Variants in NCLN observed in about 807,000 individuals in gnomAD.
The protein encoded by NCLN is BOS complex subunit NCLN.
A neutral mutation model predicts 69.5 loss-of-function variants in NCLN; 34 were observed. That is an observed-to-expected ratio of 0.49 (90% CI 0.37 to 0.65). The LOEUF is 0.65. Ranked by LOEUF, NCLN falls within the 30% of genes least tolerant of loss-of-function variation. The probability of loss-of-function intolerance (pLI) is 0.00; values close to 1 mark genes in which losing one functional copy is unlikely to be tolerated. For synonymous variants in NCLN, 393 were observed against 358.3 expected (o/e 1.10, Z -1.09); for missense variants, 710 against 804.8 (o/e 0.88, Z 1.42).
At chr19:3,200,343 G>A (rs917964816) in intron 5 of NCLN, among the ~76,000 whole-genome samples, 4 of 127,996 alleles carry the variant, frequency 3.1e-5, no homozygotes, top group African/African-American at 6.1e-5. Flanking sequence ...ACGGAGTCTC[G>A]CTCTGTCACC....
At chr19:3,195,515 C>T (rs1464978471) in intron 3 of NCLN, among the ~76,000 whole-genome samples, 1 of 152,158 alleles carries the variant, frequency 6.6e-6, no homozygotes. Context: ...TCCCAAAGTG[C>T]TGGTATTCCA....
intron 4 of NCLN, among the ~76,000 whole-genome samples, chr19:3,196,833 A>G (rs1392503845): frequency 2.0e-5 from 3 of 152,160 alleles, no homozygotes; most frequent in Non-Finnish European, 4.4e-5. Context: ...AACCCGAGGA[A>G]GCACCCACCG....
Position 3,207,760 on chromosome 19 carries a change from T to G in NCLN, c.*72T>G. The G allele has an allele frequency of 1.5e-6, 2 of 1,378,528 alleles. No individual in the cohort carries two copies. The highest frequency in any genetic ancestry group is 2.1e-6 in the Non-Finnish European group (2 of 973,788). 85.4% of individuals were successfully genotyped at this position (1,378,528 alleles called of 1,614,324 possible). On this transcript the variant is annotated 3_prime_UTR_variant, in exon 15 of 15. Transcript: ENST00000246117. ...GGGCCGAGCACGAGTGAGTGGACAC[T>G]GCCCCGCCGCGGGCGGCCCTGCAGG... is the stretch of plus-strand genomic sequence containing the variant.
At position 3,206,360 on chromosome 19, in the gene NCLN, G is replaced by A. The variant is rs1329170958; in HGVS notation, c.1434G>A (p.Thr478=). The part of the protein sequence containing the change: ...LVDKDSTFLS[T]LEHHLSRYLK... Reference sequence around the variant, plus strand: ...ACAAGGACAGCACCTTCCTCAGCACGCTGGAGCACCACCTGAGCCGCTACC... The same window carrying A: ...ACAAGGACAGCACCTTCCTCAGCACACTGGAGCACCACCTGAGCCGCTACC... The change falls in exon 12 of 15, where the codon ACG becomes ACA. Residue 478 remains threonine (T), a synonymous_variant. Coordinates refer to ENST00000246117, the MANE Select transcript of NCLN (RefSeq NM_020170.4). 5 of 1,548,150 alleles carry A rather than the reference G, an allele frequency of 3.2e-6. No homozygotes were observed. In the East Asian group the frequency reaches 9.8e-5, roughly 30 times the overall value.
chr19:3,207,416 C>T lies in NCLN; in HGVS notation c.1579C>T (p.Leu527Phe). 6.2e-7 allele frequency: 1 copy of T among 1,613,152 alleles called. No individual in the cohort carries two copies. The highest frequency in any genetic ancestry group is 8.5e-7 in the Non-Finnish European group (1 of 1,180,022). Residue 527 changes from leucine to phenylalanine, a missense_variant, in exon 14 of 15, where the codon CTC becomes TTC. Physicochemically the swap from Leu to Phe is conservative, Grantham distance 22. Coordinates refer to ENST00000246117, the MANE Select transcript of NCLN (RefSeq NM_020170.4). ...AGTCAAGCCGGCCGTCTTTGACCTG[C>T]TCCTGGCTGTTGGCATTGCTGCCTA... ...YRVKPAVFDL[L>F]LAVGIAAYLG...
chr19:3,199,948 C>T lies in NCLN; in HGVS notation c.696+1051C>T, dbSNP rs577752540. On this transcript the variant is annotated intron_variant, in intron 5 of 14. Transcript: ENST00000246117. ...ATCTCCTGACCTCATGATTTGCCCTCCTCAGCCTCCCAAAGTGCTCGGATT... is the reference window on the plus strand; with the variant it reads ...ATCTCCTGACCTCATGATTTGCCCTTCTCAGCCTCCCAAAGTGCTCGGATT... 1.9e-3 allele frequency among the ~76,000 whole-genome samples: 295 copies of T among 152,090 alleles called. 2 individuals are homozygous for T. The highest frequency in any genetic ancestry group is 0.011 in the East Asian group (58 of 5,160).
At chr19:3,198,787 C>G (rs1243662381) in intron 4 of NCLN, 30 bp from the exon 5 acceptor site, 1 of 1,559,770 alleles carries the variant, frequency 6.4e-7, no homozygotes. Flanking sequence ...CCAGGAACAG[C>G]CAGGCCATTC....
intron 3 of NCLN, among the ~76,000 whole-genome samples, chr19:3,195,481 C>T (rs111990062): frequency 0.025 from 3,742 of 152,200 alleles, 161 homozygotes; most frequent in African/African-American, 0.085. Flanking sequence ...GATCTCCTGA[C>T]GTCGTGATTC....
chr19:3,185,963 C>A lies in NCLN; in HGVS notation c.-68C>A. ...GGCGGCTACCCATGCCGAGGTGAGT[C>A]CGCGGGAGCCGCCGCCGCCGCCGTC... On this transcript the variant is annotated 5_prime_UTR_variant, in exon 1 of 15. Transcript: ENST00000246117. The A allele has an allele frequency of 7.7e-7, 1 of 1,306,530 alleles. No homozygotes were observed. Among genetic ancestry groups the A allele is most frequent in the Non-Finnish European group, 9.9e-7 (1 of 1,013,768 alleles). 80.9% of individuals were successfully genotyped at this position (1,306,530 alleles called of 1,614,324 possible).
chr19:3,206,129 G>A (rs1178906545), intron 10 of NCLN, 23 bp from the exon 11 acceptor site: 4 of 1,491,002 alleles, frequency 2.7e-6, no homozygotes, highest in Non-Finnish European at 3.6e-6. Context: ...TGGACTCAGG[G>A]CCATCCCCTC....
rs549323169 is a variant in NCLN, at chr19:3,205,319, C to T, written c.1208+568C>T. Reference sequence around the variant, plus strand: ...AGGTGGGCGCCGTCTCCTCCCCCAGCGCCCGCAGTCCCGGCATAGATCCTT... The same window carrying T: ...AGGTGGGCGCCGTCTCCTCCCCCAGTGCCCGCAGTCCCGGCATAGATCCTT... On this transcript the variant is annotated intron_variant, in intron 9 of 14. Coordinates refer to ENST00000246117, the MANE Select transcript of NCLN (RefSeq NM_020170.4). This position sits in a 1 kb window ranked among gnomAD's most constrained non-coding sequence, Gnocchi z 4.6. Among the ~76,000 whole-genome samples, 21 of 152,358 alleles carry T rather than the reference C, an allele frequency of 1.4e-4. No individual in the cohort carries two copies. The highest frequency in any genetic ancestry group is 4.6e-4 in the African/African-American group (19 of 41,584).
At position 3,198,912 on chromosome 19, in the gene NCLN, C is replaced by T. The variant is rs754855013; in HGVS notation, c.696+15C>T. On this transcript the variant is annotated intron_variant, in intron 5 of 14. Transcript: ENST00000246117. The stretch of plus-strand genomic sequence containing the variant: ...GAGTGGCCCCCGTACGTATGTGTGT[C>T]CCCATTCCCCCCACCCCACAGGGCT... The T allele has an allele frequency of 2.1e-6, 3 of 1,431,920 alleles. No homozygotes were observed. Among genetic ancestry groups the T allele is most frequent in the Admixed American group, 5.0e-5 (2 of 40,094 alleles). The allele number at this position is 1,431,920 out of a possible 1,614,324, so 88.7% of individuals were successfully genotyped here. A position where few individuals can be genotyped will look rare whatever the true frequency, so the allele number is the denominator to read the frequency against.
chr19:3,194,647 G>A lies in NCLN; in HGVS notation c.520+1219G>A, dbSNP rs1223152068. On this transcript the variant is annotated intron_variant, in intron 3 of 14. Coordinates refer to ENST00000246117, the MANE Select transcript of NCLN (RefSeq NM_020170.4). ...TCCCAACCCCTGGTTTAGATTAAAA[G>A]TCTTGACAGTGGCCATTTTTGTTGT... 2.0e-5 allele frequency among the ~76,000 whole-genome samples: 3 copies of A among 152,074 alleles called. No individual in the cohort carries two copies. In the East Asian group the frequency reaches 5.8e-4, roughly 29 times the overall value.
chr19:3,187,274 A>G (rs1915695061), intron 1 of NCLN, among the ~76,000 whole-genome samples: 1 of 152,056 alleles, frequency 6.6e-6, no homozygotes, highest in Admixed American at 6.5e-5. Flanking sequence ...TTGCCTGGCT[A>G]TAGCTGTCCC....
At chr19:3,203,696 G>A in intron 6 of NCLN, 60 bp from the exon 7 acceptor site, 3 of 1,479,336 alleles carry the variant, frequency 2.0e-6, no homozygotes, top group Non-Finnish European at 2.8e-6. Context: ...GACCTGGCCT[G>A]GTCCCTCCTC....
At chr19:3,206,683 A>G (rs886606832) in intron 12 of NCLN, among the ~76,000 whole-genome samples, 1 of 152,186 alleles carries the variant, frequency 6.6e-6, no homozygotes, top group Admixed American at 6.5e-5. Flanking sequence ...TAAAAATACA[A>G]AAATTAGGCG....
intron 12 of NCLN, 34 bp from the exon 13 acceptor site, chr19:3,207,164 A>G (rs763596461): frequency 1.9e-6 from 3 of 1,612,358 alleles, no homozygotes; most frequent in Admixed American, 3.3e-5. Context: ...AGCTGGGCGC[A>G]GTGGTGCCCC....
Position 3,197,908 on chromosome 19 carries a change from A to G in NCLN, c.616-909A>G, listed in dbSNP as rs536168955. ...AGTGCTGGGATTACAGGCGTGAGCCACCGTGCCGGGCTGTGTAAATAAAGT... is the reference window on the plus strand; with the variant it reads ...AGTGCTGGGATTACAGGCGTGAGCCGCCGTGCCGGGCTGTGTAAATAAAGT... On this transcript the variant is annotated intron_variant, in intron 4 of 14. Transcript: ENST00000246117. Among the ~76,000 whole-genome samples, 269 of 152,270 alleles carry G rather than the reference A, an allele frequency of 1.8e-3. 2 individuals are homozygous for G. Among genetic ancestry groups the G allele is most frequent in the African/African-American group, 6.2e-3 (259 of 41,576 alleles).
In NCLN at chr19:3,203,270, T is replaced by C. The variant is rs137893266; in HGVS notation, c.801-486T>C. On this transcript the variant is annotated intron_variant, in intron 6 of 14. Transcript: ENST00000246117. ...TTGCAGTGAGCCGAGACTGCACCAT[T>C]GCACTCCAGCCTGGGCAGAAAGAGC... Among the ~76,000 whole-genome samples the C allele has an allele frequency of 1.0e-3, 158 of 151,798 alleles. 1 individual carries two copies. Among genetic ancestry groups the C allele is most frequent in the African/African-American group, 3.7e-3 (152 of 41,360 alleles).
Sources: allele counts gnomAD v4.1 joint callset (sites outside exome capture counted in the v4.1 genomes callset), GRCh38; gene constraint gnomAD v4.1.1; non-coding constraint Gnocchi (gnomAD v3.1); transcripts MANE v1.5; gene names NCBI Gene and HGNC (gene_info 2026-07-23, HGNC 2026-07-21).